Variants in ZFY observed in about 807,000 individuals in gnomAD.
ZFY encodes zinc finger Y-chromosomal protein.
For synonymous variants in ZFY, 47 were observed against 55.8 expected (o/e 0.84, Z 0.71); for missense variants, 113 against 170.9 (o/e 0.66, Z 1.89).
chrY:2,977,780 CAAAAA>C, intron 6 of ZFY, 155 bp from the exon 7 acceptor site: 15 of 11,182 alleles, frequency 1.3e-3, no homozygotes, highest in South Asian at 4.4e-3. Context: ...GACTCTGTCT[CAAAAA>C]AAAAAAAAAA....
At chrY:2,959,726 T>C in intron 2 of ZFY, among the ~76,000 whole-genome samples, 3 of 33,439 alleles carry the variant, frequency 9.0e-5, no homozygotes, top group Non-Finnish European at 2.2e-4. Context: ...GTGATCATTT[T>C]TGTTGAAGAA....
intron 3 of ZFY, among the ~76,000 whole-genome samples, chrY:2,965,307 AT>A (rs2051323971): frequency 3.4e-5 from 1 of 29,702 alleles, no homozygotes; most frequent in African/African-American, 1.3e-4. Flanking sequence ...AGCCCAGCTA[AT>A]TTTTTTTTAA....
chrY:2,942,441 T>G, intron 1 of ZFY, among the ~76,000 whole-genome samples: 2 of 23,701 alleles, frequency 8.4e-5, no homozygotes, highest in African/African-American at 1.7e-4. Context: ...CTCACTTCTG[T>G]TACCCAGGCT....
chrY:2,939,257 A>G (rs2051233355), intron 1 of ZFY, among the ~76,000 whole-genome samples: 1 of 31,326 alleles, frequency 3.2e-5, no homozygotes, highest in South Asian at 7.3e-4. Flanking sequence ...CGATGGAAGA[A>G]GTGCTGCTTT....
chrY:2,951,435 C>G, intron 1 of ZFY, among the ~76,000 whole-genome samples: 1 of 32,728 alleles, frequency 3.1e-5, no homozygotes, highest in Non-Finnish European at 7.5e-5. Flanking sequence ...TTCTAGGGAT[C>G]AGAAAATAGG....
At chrY:2,944,082 C>T in intron 1 of ZFY, among the ~76,000 whole-genome samples, 1 of 33,424 alleles carries the variant, frequency 3.0e-5, no homozygotes, top group South Asian at 6.5e-4. Context: ...TCCAGTATAT[C>T]AATTTACTTG....
At chrY:2,938,996 TATATATATATATATATATATATATATAA>T (rs2051228938) in intron 1 of ZFY, among the ~76,000 whole-genome samples, 1 of 16,852 alleles carries the variant, frequency 5.9e-5, no homozygotes, top group Non-Finnish European at 1.4e-4. Flanking sequence ...TATATATATA[TATATATATATATATATATATATATATAA>T]ATAAATAACT....
chrY:2,940,371 A>G (rs2051237981), intron 1 of ZFY, among the ~76,000 whole-genome samples: 1 of 33,619 alleles, frequency 3.0e-5, no homozygotes, highest in African/African-American at 1.2e-4. Context: ...GGCGAGGCAC[A>G]AAGGAATCTA....
At chrY:2,949,388 G>A (rs1270123) in intron 1 of ZFY, among the ~76,000 whole-genome samples, 2 of 30,168 alleles carry the variant, frequency 6.6e-5, no homozygotes, top group Non-Finnish European at 1.6e-4. Context: ...CTGCCTTAGC[G>A]TCCCAGAGTG....
At chrY:2,977,180 C>A (rs1603312257) in intron 6 of ZFY, among the ~76,000 whole-genome samples, 1 of 406 alleles carries the variant, frequency 2.5e-3, no homozygotes, top group African/African-American at 0.012. Context: ...GACTCCATCT[C>A]AAAAAAAAAA....
Position 2,976,805 on chromosome Y carries a change from C to G in ZFY, c.1064C>G (p.Ala355Gly). ...EDEMKTFVPIAWAAAYGNNSD... is the reference protein window; with the variant it reads ...EDEMKTFVPIGWAAAYGNNSD... ...GAAATGAAAACCTTCGTACCAATTG[C>G]ATGGGCAGCAGCTTATGGTAACTTA... Residue 355 changes from alanine (A) to glycine (G), a missense_variant, in exon 6 of 8, where the codon GCA becomes GGA. Ala to Gly is a moderately conservative substitution (Grantham distance 60, BLOSUM62 0). Transcript: ENST00000155093. 2.5e-6 allele frequency: 1 copy of G among 394,302 alleles called. No homozygotes were observed. Among genetic ancestry groups the G allele is most frequent in the Non-Finnish European group, 3.5e-6 (1 of 281,920 alleles).
At chrY:2,960,209 C>T (rs2051304628) in intron 2 of ZFY, among the ~76,000 whole-genome samples, 2 of 32,026 alleles carry the variant, frequency 6.2e-5, no homozygotes, top group African/African-American at 2.5e-4. Context: ...GCACCCAGCA[C>T]TAGAAAATGC....
intron 3 of ZFY, among the ~76,000 whole-genome samples, chrY:2,969,620 A>T (rs756320925): frequency 8.7e-4 from 29 of 33,453 alleles, no homozygotes; most frequent in African/African-American, 3.1e-3. Flanking sequence ...AAAATATGGC[A>T]AATAGCATCT....
intron 1 of ZFY, among the ~76,000 whole-genome samples, chrY:2,938,680 C>T (rs2051225646): frequency 3.3e-5 from 1 of 29,899 alleles, no homozygotes; most frequent in African/African-American, 1.3e-4. Context: ...TGGGTTCAAG[C>T]GATTCTCCTG....
intron 3 of ZFY, among the ~76,000 whole-genome samples, chrY:2,962,459 A>G (rs1603311498): frequency 5.9e-5 from 2 of 33,774 alleles, no homozygotes; most frequent in East Asian, 7.5e-4. Flanking sequence ...CTAATTGACC[A>G]GTTCATTACT....
intron 1 of ZFY, among the ~76,000 whole-genome samples, chrY:2,941,290 C>G: frequency 3.0e-5 from 1 of 32,951 alleles, no homozygotes; most frequent in Non-Finnish European, 7.4e-5. Flanking sequence ...TACTAGGAAC[C>G]AGTTAGATTT....
At chrY:2,956,970 GGTCT>G (rs2051294848) in intron 2 of ZFY, among the ~76,000 whole-genome samples, 6 of 32,270 alleles carry the variant, frequency 1.9e-4, no homozygotes, top group African/African-American at 3.6e-4. Context: ...TTTGCTAAGT[GGTCT>G]GTCTTTTTAT....
At chrY:2,972,841 G>C in intron 3 of ZFY, among the ~76,000 whole-genome samples, 1 of 33,341 alleles carries the variant, frequency 3.0e-5, no homozygotes, top group African/African-American at 1.2e-4. Context: ...GTTACTAGAT[G>C]TGTGACCTTA....
chrY:2,965,137 C>CT (rs781713895), intron 3 of ZFY, among the ~76,000 whole-genome samples: 5 of 22,236 alleles, frequency 2.2e-4, no homozygotes, highest in South Asian at 1.1e-3. Context: ...AAGACCCACC[C>CT]TTTTTTTTTT....
Sources: gnomAD v4.1 joint callset for allele counts (sites outside exome capture counted in the v4.1 genomes callset) on GRCh38, gnomAD v4.1.1 for gene constraint, MANE v1.5 for transcripts, NCBI Gene and HGNC (gene_info 2026-07-23, HGNC 2026-07-21) for gene names.